ATE1: variants seen among roughly 807,000 people sequenced by gnomAD.
ATE1 encodes the protein arginyltransferase 1, also known as arginyl-tRNA--protein transferase 1.
A neutral mutation model predicts 70.5 loss-of-function variants in ATE1; 36 were observed. That is an observed-to-expected ratio of 0.51 (90% confidence interval 0.39 to 0.67). The LOEUF is 0.67. ATE1 is among the 30% of genes least tolerant of loss of function. The pLI is 0.00. For synonymous variants in ATE1, 232 were observed against 219.3 expected, an observed-to-expected ratio of 1.06 and a Z score of -0.51; for missense variants, 593 against 629.5, an observed-to-expected ratio of 0.94 and a Z score of 0.62.
rs10886994 is a variant in ATE1, at chr10:121,841,075, A to G, written c.1157+7T>C. On this transcript the variant is annotated splice_region_variant and intron_variant, in intron 9 of 11. Coordinates refer to ENST00000224652, the MANE Select transcript of ATE1 (RefSeq NM_001001976.3). Reference sequence around the variant, plus strand: ...CCCACTACAATAACGGCAAAAAGCAATCTTACCGTAGTGCAGAGTAGACGC... The same window carrying G: ...CCCACTACAATAACGGCAAAAAGCAGTCTTACCGTAGTGCAGAGTAGACGC... 241,316 of 1,521,410 alleles carry G rather than the reference A, an allele frequency of 0.16. 20,216 individuals are homozygous for G. The highest frequency in any genetic ancestry group is 0.18 in the East Asian group (7,579 of 42,282). 94.2% of individuals were successfully genotyped at this position (1,521,410 alleles called of 1,614,324 possible). A position where few individuals can be genotyped will look rare whatever the true frequency, so the allele number is the denominator to read the frequency against.
intron 7 of ATE1, among the ~76,000 whole-genome samples, chr10:121,896,448 T>C (rs537565352): frequency 1.3e-5 from 2 of 152,314 alleles, no homozygotes; most frequent in South Asian, 4.1e-4. Flanking sequence ...GATAGGTATG[T>C]CGCAGTTTAA....
At chr10:121,790,043 C>CACAT in intron 11 of ATE1, 126 bp downstream of exon 11, 2 of 1,356,564 alleles carry the variant, frequency 1.5e-6, no homozygotes, top group Admixed American at 2.2e-5. Flanking sequence ...CACACACACA[C>CACAT]ACTCATGCAC....
chr10:121,858,808 T>C (rs961756624), intron 8 of ATE1, among the ~76,000 whole-genome samples: 11 of 151,582 alleles, frequency 7.3e-5, no homozygotes, highest in African/African-American at 2.4e-4. Context: ...AAAAGCGATA[T>C]GTAAGGGCCG....
Position 121,927,979 on chromosome 10 carries a change from C to T in ATE1, c.-30G>A, listed in dbSNP as rs777494052. On this transcript the variant is annotated 5_prime_UTR_variant, in exon 1 of 12. Transcript: ENST00000224652. ...TCGGCCCCGCGAACGCTCAGCCGCC[C>T]GGCCCCGCGTCGCTAGCGCGGCCGC... The T allele has an allele frequency of 6.8e-7, 1 of 1,479,228 alleles. No individual in the cohort carries two copies. Among genetic ancestry groups the T allele is most frequent in the Non-Finnish European group, 9.0e-7 (1 of 1,112,280 alleles). The allele number at this position is 1,479,228 out of a possible 1,614,324, so 91.6% of individuals were successfully genotyped here.
At chr10:121,820,751 A>G (rs1947760395) in intron 10 of ATE1, among the ~76,000 whole-genome samples, 1 of 152,216 alleles carries the variant, frequency 6.6e-6, no homozygotes, top group African/African-American at 2.4e-5. Flanking sequence ...ATTTCATCAT[A>G]ATACAAATAA....
At chr10:121,871,537 C>T (rs887883382) in intron 7 of ATE1, among the ~76,000 whole-genome samples, 11 of 152,096 alleles carry the variant, frequency 7.2e-5, no homozygotes, top group Non-Finnish European at 5.9e-5. Flanking sequence ...GGGTTCATTA[C>T]GTGATTCTAT....
intron 10 of ATE1, among the ~76,000 whole-genome samples, chr10:121,814,874 T>C (rs1028217516): frequency 2.6e-5 from 4 of 152,234 alleles, no homozygotes; most frequent in Admixed American, 2.0e-4. Context: ...ATACCAAACA[T>C]CTCTGCCCCA....
intron 10 of ATE1, among the ~76,000 whole-genome samples, chr10:121,795,682 C>A (rs1187807805): frequency 6.6e-6 from 1 of 152,136 alleles, no homozygotes; most frequent in Non-Finnish European, 1.5e-5. Flanking sequence ...TTCTCACAAG[C>A]CGTCAAAGAA....
intron 5 of ATE1, among the ~76,000 whole-genome samples, chr10:121,907,228 G>T (rs999876158): frequency 1.3e-5 from 2 of 151,234 alleles, no homozygotes; most frequent in African/African-American, 4.9e-5. Flanking sequence ...CCCGGGGCAG[G>T]TGGATCACTT....
At chr10:121,866,214 T>A (rs908882702) in intron 8 of ATE1, among the ~76,000 whole-genome samples, 5 of 152,198 alleles carry the variant, frequency 3.3e-5, no homozygotes, top group Non-Finnish European at 7.3e-5. Context: ...TGGTGGAGAC[T>A]TAGGGGTAGC....
intron 10 of ATE1, among the ~76,000 whole-genome samples, chr10:121,806,309 C>T (rs1430295860): frequency 6.6e-6 from 1 of 151,992 alleles, no homozygotes; most frequent in Admixed American, 6.6e-5. Flanking sequence ...AAAAATTAGC[C>T]AGATGTGATG....
intron 7 of ATE1, among the ~76,000 whole-genome samples, chr10:121,873,422 C>G (rs1047223584): frequency 2.6e-5 from 4 of 152,124 alleles, no homozygotes; most frequent in Non-Finnish European, 5.9e-5. Flanking sequence ...ATTTACCAAG[C>G]CTGGTACCAT....
At chr10:121,851,138 A>AGGCAG (rs1949041825) in intron 8 of ATE1, among the ~76,000 whole-genome samples, 1 of 140,644 alleles carries the variant, frequency 7.1e-6, no homozygotes, top group Non-Finnish European at 1.5e-5. Flanking sequence ...TTCAGTGTCC[A>AGGCAG]GGCAGGGTGT....
chr10:121,841,521 CA>C (rs1362082362), intron 8 of ATE1, among the ~76,000 whole-genome samples: 1 of 152,124 alleles, frequency 6.6e-6, no homozygotes, highest in African/African-American at 2.4e-5. Context: ...GTAGGAAATA[CA>C]GCATTTTACA....
chr10:121,750,152 C>A (rs993619032), intron 11 of ATE1, among the ~76,000 whole-genome samples: 7 of 152,134 alleles, frequency 4.6e-5, no homozygotes, highest in African/African-American at 1.7e-4. Flanking sequence ...CCTTTATAAT[C>A]ATCTTTTCTT....
intron 10 of ATE1, among the ~76,000 whole-genome samples, chr10:121,829,673 C>T (rs1375102274): frequency 1.3e-5 from 2 of 150,742 alleles, no homozygotes; most frequent in African/African-American, 4.9e-5. Context: ...CATGCCACTG[C>T]ACTCCAGCCT....
At chr10:121,832,085 T>C (rs930257257) in intron 10 of ATE1, among the ~76,000 whole-genome samples, 13 of 152,176 alleles carry the variant, frequency 8.5e-5, no homozygotes, top group Non-Finnish European at 4.4e-5. Context: ...CCTCCTGAAA[T>C]TCAATAGCTC....
chr10:121,857,534 G>A (rs890786436), intron 8 of ATE1, among the ~76,000 whole-genome samples: 1 of 152,154 alleles, frequency 6.6e-6, no homozygotes, highest in Admixed American at 6.5e-5. Context: ...AGCCACTGTG[G>A]AAAGCAGTGT....
chr10:121,852,155 A>G (rs973533136), intron 8 of ATE1, among the ~76,000 whole-genome samples: 8 of 152,226 alleles, frequency 5.3e-5, no homozygotes, highest in African/African-American at 1.9e-4. Flanking sequence ...AAGTTCAAAG[A>G]TAGGAAGACT....
Sources: gnomAD v4.1 joint callset for allele counts (sites outside exome capture counted in the v4.1 genomes callset) on GRCh38, gnomAD v4.1.1 for gene constraint, MANE v1.5 for transcripts, NCBI Gene and HGNC (gene_info 2026-07-23, HGNC 2026-07-21) for gene names.